The following CLVS1 variants were observed in gnomAD, a reference collection of about 807,000 sequenced individuals.
CLVS1 encodes the protein clavesin 1, also known as clavesin-1.
CLVS1 carries 10 observed loss-of-function variants against 33.1 expected under a neutral mutation model. That is an observed-to-expected ratio of 0.30 (90% CI 0.19 to 0.51). The LOEUF (loss-of-function observed/expected upper bound fraction) is 0.51. CLVS1 is among the 20% of genes least tolerant of loss of function. The pLI, the probability that CLVS1 is intolerant of heterozygous loss-of-function variation, is 0.97. For synonymous variants in CLVS1, 163 were observed against 166.1 expected (o/e 0.98, Z 0.14); for missense variants, 343 against 433.4 (o/e 0.79, Z 1.85).
intron 2 of CLVS1, among the ~76,000 whole-genome samples, chr8:61,135,574 A>G (rs1165266029): frequency 6.6e-6 from 1 of 152,206 alleles, no homozygotes; most frequent in Non-Finnish European, 1.5e-5. Context: ...AAGAGAAAGG[A>G]GAGATTGAGA....
intron 1 of CLVS1, among the ~76,000 whole-genome samples, chr8:61,121,891 T>A (rs553058581): frequency 6.6e-6 from 1 of 152,152 alleles, no homozygotes; most frequent in African/African-American, 2.4e-5. Context: ...TGAAAACTAT[T>A]CATATTGGAA....
chr8:61,057,397 CACACACACACACACA>C (rs1444915482), intron 1 of CLVS1, among the ~76,000 whole-genome samples: 7 of 151,354 alleles, frequency 4.6e-5, no homozygotes, highest in African/African-American at 9.8e-5. Flanking sequence ...CACACACACA[CACACACACACACACA>C]CCCCATCCAA....
At chr8:61,437,248 A>G (rs536108760) in intron 3 of CLVS1, among the ~76,000 whole-genome samples, 6 of 152,300 alleles carry the variant, frequency 3.9e-5, no homozygotes, top group African/African-American at 1.4e-4. Context: ...TCTCTTTGGA[A>G]ATTGAATGGG....
chr8:61,209,329 A>G (rs1585690331), intron 2 of CLVS1, among the ~76,000 whole-genome samples: 1 of 152,196 alleles, frequency 6.6e-6, no homozygotes, highest in Non-Finnish European at 1.5e-5. Context: ...TCCAACTTAG[A>G]GAGTTTTATT....
the CLVS1 span, among the ~76,000 whole-genome samples, chr8:60,996,560 C>T: frequency 6.6e-6 from 1 of 152,192 alleles, no homozygotes; most frequent in African/African-American, 2.4e-5. Flanking sequence ...TACCACCAGG[C>T]CCACCTTGGA....
chr8:61,329,529 G>A (rs551085223), intron 2 of CLVS1, among the ~76,000 whole-genome samples: 15 of 152,234 alleles, frequency 9.9e-5, no homozygotes, highest in African/African-American at 3.6e-4. Flanking sequence ...AATCTTCCTA[G>A]CATAAAGAAA....
At chr8:61,058,318 T>C (rs1003537188) in intron 1 of CLVS1, among the ~76,000 whole-genome samples, 1 of 152,206 alleles carries the variant, frequency 6.6e-6, no homozygotes, top group African/African-American at 2.4e-5. Flanking sequence ...GTGGCTGGTG[T>C]TTCAGAGGCA....
At chr8:61,119,221 C>T (rs1342382796) in intron 1 of CLVS1, among the ~76,000 whole-genome samples, 1 of 152,070 alleles carries the variant, frequency 6.6e-6, no homozygotes, top group Non-Finnish European at 1.5e-5. Context: ...TTTCCATTTG[C>T]TTGGTAGATC....
intron 2 of CLVS1, among the ~76,000 whole-genome samples, chr8:61,132,682 C>T (rs754199356): frequency 2.0e-5 from 3 of 152,152 alleles, no homozygotes; most frequent in East Asian, 1.9e-4. Context: ...TCTGTAGTGA[C>T]GAGGCTTCCG....
rs534562182 is a variant in CLVS1, at chr8:61,470,290, G to T, written c.977+11748G>T. On this transcript the variant is annotated intron_variant, in intron 5 of 5. Transcript: ENST00000325897. ...GAGAATGAATGGGGCTAGTTAAAAT[G>T]TTGGGTACAGGGGCATGTTTTCTCT... is the stretch of plus-strand genomic sequence containing the variant. Among the ~76,000 whole-genome samples the T allele has an allele frequency of 4.6e-5, 7 of 152,312 alleles. No individual in the cohort carries two copies. The East Asian group carries it at 1.4e-3, about 29-fold the overall frequency.
chr8:60,973,458 T>C, the CLVS1 span, among the ~76,000 whole-genome samples: 1 of 152,188 alleles, frequency 6.6e-6, no homozygotes, highest in Non-Finnish European at 1.5e-5. Context: ...TCTGTATGGG[T>C]CTGTAGCAAC....
upstream of CLVS1, among the ~76,000 whole-genome samples, chr8:61,053,193 C>T (rs551511399): frequency 6.6e-6 from 1 of 152,258 alleles, no homozygotes; most frequent in South Asian, 2.1e-4. Context: ...GTGGAGTCTG[C>T]AGTGCATGAC....
chr8:61,389,418 G>A (rs558316385), intron 3 of CLVS1, among the ~76,000 whole-genome samples: 11 of 152,116 alleles, frequency 7.2e-5, no homozygotes, highest in Non-Finnish European at 1.0e-4. Context: ...GCACATGCCT[G>A]TAGTCCCAGC....
chr8:61,490,125 G>T (rs1222181013), intron 5 of CLVS1, among the ~76,000 whole-genome samples: 1 of 151,910 alleles, frequency 6.6e-6, no homozygotes, highest in Admixed American at 6.6e-5. Flanking sequence ...AGACTAGCCT[G>T]GCCAACATGG....
the CLVS1 span, among the ~76,000 whole-genome samples, chr8:61,050,946 G>C: frequency 6.6e-6 from 1 of 152,234 alleles, no homozygotes; most frequent in Admixed American, 6.5e-5. Flanking sequence ...GTCAGATAAT[G>C]AGCTTAGAGC....
intron 3 of CLVS1, among the ~76,000 whole-genome samples, chr8:61,429,262 A>G (rs1005549160): frequency 2.0e-5 from 3 of 152,020 alleles, no homozygotes; most frequent in African/African-American, 7.3e-5. Context: ...TCTACTAAAA[A>G]TACAAAAATT....
chr8:61,383,651 T>C (rs1232175616), intron 3 of CLVS1, among the ~76,000 whole-genome samples: 2 of 152,242 alleles, frequency 1.3e-5, no homozygotes, highest in African/African-American at 4.8e-5. Flanking sequence ...TGCTCTACCT[T>C]ATTAAGTATC....
chr8:60,976,119 A>AT, the CLVS1 span, among the ~76,000 whole-genome samples: 1 of 151,912 alleles, frequency 6.6e-6, no homozygotes, highest in African/African-American at 2.4e-5. Context: ...CTAGCTTTAA[A>AT]TTTTTTTTCA....
At chr8:61,230,726 G>T (rs886073887) in intron 2 of CLVS1, among the ~76,000 whole-genome samples, 1 of 152,092 alleles carries the variant, frequency 6.6e-6, no homozygotes, top group Non-Finnish European at 1.5e-5. Context: ...CATGTGTCTT[G>T]TTCTATTTGG....
Sources: allele counts gnomAD v4.1 joint callset (sites outside exome capture counted in the v4.1 genomes callset), GRCh38; gene constraint gnomAD v4.1.1; transcripts MANE v1.5; gene names NCBI Gene and HGNC (gene_info 2026-07-23, HGNC 2026-07-21).